HNF4G: variants seen among roughly 807,000 people sequenced by gnomAD.
The protein encoded by HNF4G is hepatocyte nuclear factor 4 gamma.
In HNF4G, 21 loss-of-function variants were observed where a neutral mutation model predicts 50.9. That is an observed-to-expected ratio of 0.41 (90% CI 0.29 to 0.59). HNF4G has a LOEUF of 0.59. Among genes scored for constraint, HNF4G ranks in the 20% least tolerant of loss-of-function variants. The probability of loss-of-function intolerance (pLI) is 0.26; values close to 1 mark genes in which losing one functional copy is unlikely to be tolerated. For synonymous variants in HNF4G, 198 were observed against 185.6 expected, an observed-to-expected ratio of 1.07 and a Z score of -0.54; for missense variants, 527 against 559.4, an observed-to-expected ratio of 0.94 and a Z score of 0.58.
rs748221253 is a variant in HNF4G at position 75,480,717 on chromosome 8, C to CTTTTTTTTTT, written c.-143-9369_-143-9368insTTTTTTTTTT. ...CTGGATCTCATTTCTTTTTCTTTTTCTTTCTTTTTTTTTTTTTTTGAGACA... is the reference window on the plus strand; with the variant it reads ...CTGGATCTCATTTCTTTTTCTTTTTCTTTTTTTTTTTTTCTTTTTTTTTTTTTTTGAGACA... On this transcript the variant is annotated intron_variant, in intron 1 of 10. Coordinates refer to the HNF4G transcript ENST00000354370. 1.6e-5 allele frequency among the ~76,000 whole-genome samples: 2 copies of CTTTTTTTTTT among 123,920 alleles called. 1 individual carries two copies. Among genetic ancestry groups the CTTTTTTTTTT allele is most frequent in the Non-Finnish European group, 3.3e-5 (2 of 61,418 alleles). The allele number at this position is 123,920 out of a possible 152,430, so 81.3% of individuals were successfully genotyped here.
At chr8:75,559,065 A>G (rs761587667) in intron 8 of HNF4G, 28 bp downstream of exon 8, 1 of 1,285,548 alleles carries the variant, frequency 7.8e-7, no homozygotes, top group South Asian at 1.2e-5. Context: ...TTTCTACTTT[A>G]TTGATTAGAA....
At chr8:75,475,690 A>G (rs887817334) in intron 1 of HNF4G, among the ~76,000 whole-genome samples, 1 of 152,160 alleles carries the variant, frequency 6.6e-6, no homozygotes, top group Non-Finnish European at 1.5e-5. Context: ...AGCACTGAAA[A>G]CATACAGCTT....
At chr8:75,425,099 T>TATTTA (rs1810862488) in intron 1 of HNF4G, among the ~76,000 whole-genome samples, 1 of 147,952 alleles carries the variant, frequency 6.8e-6, no homozygotes, top group African/African-American at 2.5e-5. Flanking sequence ...TTTATTTATT[T>TATTTA]ATTTTAGACG....
intron 2 of HNF4G, among the ~76,000 whole-genome samples, chr8:75,504,059 T>C (rs1012963049): frequency 3.3e-5 from 5 of 151,970 alleles, no homozygotes; most frequent in African/African-American, 1.2e-4. Context: ...CTGTCTCTAC[T>C]AAAAACACAA....
intron 1 of HNF4G, among the ~76,000 whole-genome samples, chr8:75,472,985 A>G (rs888643670): frequency 1.3e-5 from 2 of 152,208 alleles, no homozygotes; most frequent in African/African-American, 2.4e-5. Flanking sequence ...TTGTTGGGCA[A>G]TGAAATATGT....
chr8:75,551,106 A>T (rs1486374500), intron 3 of HNF4G, among the ~76,000 whole-genome samples: 2 of 152,130 alleles, frequency 1.3e-5, no homozygotes, highest in Non-Finnish European at 2.9e-5. Context: ...AGAATAGAAA[A>T]CCACCCTATT....
At chr8:75,472,015 G>A (rs1812125350) in intron 1 of HNF4G, among the ~76,000 whole-genome samples, 1 of 152,116 alleles carries the variant, frequency 6.6e-6, no homozygotes, top group South Asian at 2.1e-4. Flanking sequence ...TACCTGTCTT[G>A]TGAAGCTGCT....
At chr8:75,434,675 AAC>A (rs36098920) in intron 1 of HNF4G, among the ~76,000 whole-genome samples, 392 of 145,182 alleles carry the variant, frequency 2.7e-3, no homozygotes, top group Middle Eastern at 7.1e-3. Flanking sequence ...CAACAAGGCC[AAC>A]ACACACACAC....
At chr8:75,435,150 A>C (rs1397079402) in intron 1 of HNF4G, among the ~76,000 whole-genome samples, 1 of 152,240 alleles carries the variant, frequency 6.6e-6, no homozygotes, top group Non-Finnish European at 1.5e-5. Flanking sequence ...GCACAGATGC[A>C]AAGGCCTATA....
intron 1 of HNF4G, among the ~76,000 whole-genome samples, chr8:75,477,733 C>T (rs1185208384): frequency 2.6e-5 from 4 of 151,820 alleles, no homozygotes; most frequent in Non-Finnish European, 5.9e-5. Context: ...TTTGGGAGGC[C>T]GAAGTGGGCA....
chr8:75,475,003 TATTA>T (rs1002906054), intron 1 of HNF4G, among the ~76,000 whole-genome samples: 12 of 150,512 alleles, frequency 8.0e-5, no homozygotes, highest in African/African-American at 2.7e-4. Context: ...GCCTATTATT[TATTA>T]ATTAATTAAT....
chr8:75,477,778 A>G (rs2130648686), intron 1 of HNF4G, among the ~76,000 whole-genome samples: 1 of 151,782 alleles, frequency 6.6e-6, no homozygotes, highest in African/African-American at 2.4e-5. Context: ...GACCAGTCTG[A>G]CCGATATGGA....
intron 2 of HNF4G, among the ~76,000 whole-genome samples, chr8:75,500,180 A>G (rs1400876182): frequency 1.3e-5 from 2 of 152,178 alleles, no homozygotes; most frequent in Non-Finnish European, 2.9e-5. Flanking sequence ...CAGCAACAAT[A>G]CAATGAAAAC....
intron 1 of HNF4G, among the ~76,000 whole-genome samples, chr8:75,422,949 ATAT>A (rs1259351659): frequency 2.6e-5 from 4 of 152,172 alleles, no homozygotes; most frequent in Non-Finnish European, 5.9e-5. Flanking sequence ...GCTGATAACT[ATAT>A]TATTATCATT....
intron 9 of HNF4G, 24 bp from the exon 10 acceptor site, chr8:75,563,951 C>T (rs371020721): frequency 1.9e-6 from 3 of 1,612,120 alleles, no homozygotes; most frequent in Non-Finnish European, 1.7e-6. Context: ...CACCATTAGA[C>T]TCAATTCTCT....
intron 1 of HNF4G, among the ~76,000 whole-genome samples, chr8:75,540,810 C>T (rs887456763): frequency 6.6e-6 from 1 of 150,538 alleles, no homozygotes; most frequent in Admixed American, 6.6e-5. Context: ...ACTGTTAGAA[C>T]TCCTAAGATC....
chr8:75,412,532 C>T (rs1254383884), intron 1 of HNF4G, among the ~76,000 whole-genome samples: 1 of 152,176 alleles, frequency 6.6e-6, no homozygotes, highest in Non-Finnish European at 1.5e-5. Context: ...ATCTAGGCAG[C>T]TTTTCCCCCA....
At chr8:75,517,394 ACAAGG>A (rs1805919281) in intron 2 of HNF4G, among the ~76,000 whole-genome samples, 1 of 152,186 alleles carries the variant, frequency 6.6e-6, no homozygotes, top group Non-Finnish European at 1.5e-5. Context: ...CTCATCAGAG[ACAAGG>A]CAAGTCCCTT....
intron 1 of HNF4G, among the ~76,000 whole-genome samples, chr8:75,429,119 T>A (rs1810950276): frequency 1.3e-5 from 2 of 152,188 alleles, no homozygotes; most frequent in African/African-American, 2.4e-5. Flanking sequence ...TTTCTAAGTT[T>A]CTAGCTTGCC....
Sources: gnomAD v4.1 joint callset for allele counts (sites outside exome capture counted in the v4.1 genomes callset) on GRCh38, gnomAD v4.1.1 for gene constraint, MANE v1.5 for transcripts, NCBI Gene and HGNC (gene_info 2026-07-23, HGNC 2026-07-21) for gene names.